PARD3B: variants seen among roughly 807,000 people sequenced by gnomAD.
The protein encoded by PARD3B is partitioning defective 3 homolog B.
In PARD3B, 103 loss-of-function variants were observed where a neutral mutation model predicts 130.2. That is an observed-to-expected ratio of 0.79 (90% CI 0.67 to 0.93). PARD3B has a LOEUF of 0.93. Ranked by LOEUF, PARD3B falls within the 40% of genes least tolerant of loss-of-function variation. The pLI, the probability that PARD3B is intolerant of heterozygous loss-of-function variation, is 0.00. For synonymous variants in PARD3B, 583 were observed against 553.2 expected (o/e 1.05, Z -0.76); for missense variants, 1,609 against 1,499.2 (o/e 1.07, Z -1.21).
intron 3 of PARD3B, among the ~76,000 whole-genome samples, chr2:205,030,142 G>A (rs1697317111): frequency 6.6e-6 from 1 of 152,096 alleles, no homozygotes. Context: ...TAAGACTCGT[G>A]AATAGGTTGC....
Position 205,274,050 on chromosome 2 carries a change from G to T in PARD3B, c.2186-26480G>T, listed in dbSNP as rs923476792. Among the ~76,000 whole-genome samples the T allele has an allele frequency of 1.3e-5, 2 of 151,974 alleles. No individual in the cohort carries two copies. The highest frequency in any genetic ancestry group is 1.3e-4 in the Admixed American group (2 of 15,248). ...ACATTTGAGGATTGGCTCCTGTTTT[G>T]TGTTATCCATATTATTAGCTCAGCT... On this transcript the variant is annotated intron_variant, in intron 16 of 22. Coordinates refer to ENST00000406610, the MANE Select transcript of PARD3B (RefSeq NM_001302769.2). This position sits in a 1 kb window ranked among gnomAD's most constrained non-coding sequence, Gnocchi z 4.2.
chr2:205,389,953 A>G (rs2045792784), intron 18 of PARD3B, among the ~76,000 whole-genome samples: 1 of 152,206 alleles, frequency 6.6e-6, no homozygotes, highest in South Asian at 2.1e-4. Flanking sequence ...AATTTCCCTT[A>G]TTCAAAATTG....
chr2:204,573,802 A>G (rs1482688242), intron 1 of PARD3B, among the ~76,000 whole-genome samples: 1 of 152,208 alleles, frequency 6.6e-6, no homozygotes, highest in African/African-American at 2.4e-5. Flanking sequence ...TCTACAGCTC[A>G]GCACTCCTGC....
At chr2:205,145,485 C>T (rs2033288546) in intron 10 of PARD3B, among the ~76,000 whole-genome samples, 1 of 152,174 alleles carries the variant, frequency 6.6e-6, no homozygotes, top group African/African-American at 2.4e-5. Flanking sequence ...TTTTGTGATA[C>T]TCTGTTTTTA....
At chr2:204,683,671 T>C (rs566789520) in intron 1 of PARD3B, among the ~76,000 whole-genome samples, 1 of 152,172 alleles carries the variant, frequency 6.6e-6, no homozygotes. Context: ...TGATTTCCTA[T>C]GGCTTGTCTG....
chr2:204,624,361 TGTTG>T (rs1339067141), intron 1 of PARD3B, among the ~76,000 whole-genome samples: 2 of 151,922 alleles, frequency 1.3e-5, no homozygotes, highest in Non-Finnish European at 2.9e-5. Flanking sequence ...TTTGTACACT[TGTTG>T]GTTGGAATGT....
Position 205,564,865 on chromosome 2 carries a change from G to C in PARD3B, c.3260+11462G>C, listed in dbSNP as rs1441320014. Among the ~76,000 whole-genome samples, 2 of 152,176 alleles carry C rather than the reference G, an allele frequency of 1.3e-5. No individual in the cohort carries two copies. Among genetic ancestry groups the C allele is most frequent in the Non-Finnish European group, 2.9e-5 (2 of 68,036 alleles). ...ACAGCAGCCTCCAGAACGTGTTCCT[G>C]CTTCTATTCCAAGTCTCTCATTAAG... On this transcript the variant is annotated intron_variant, in intron 22 of 22. Coordinates refer to ENST00000406610, the MANE Select transcript of PARD3B (RefSeq NM_001302769.2). The surrounding 1 kb of genome is among the most constrained non-coding windows in gnomAD (Gnocchi z 4.6).
At chr2:204,861,785 C>A (rs974289522) in intron 2 of PARD3B, among the ~76,000 whole-genome samples, 1 of 151,650 alleles carries the variant, frequency 6.6e-6, no homozygotes, top group Non-Finnish European at 1.5e-5. Context: ...GCAGATAAAA[C>A]GGCACAGAGA....
chr2:204,972,729 T>A (rs1323744036), intron 3 of PARD3B, among the ~76,000 whole-genome samples: 1 of 152,086 alleles, frequency 6.6e-6, no homozygotes, highest in African/African-American at 2.4e-5. Flanking sequence ...AAAAACAGAG[T>A]TCACCATCTC....
intron 22 of PARD3B, among the ~76,000 whole-genome samples, chr2:205,615,119 CCT>C (rs1473684066): frequency 2.6e-5 from 4 of 152,162 alleles, no homozygotes; most frequent in Non-Finnish European, 4.4e-5. Flanking sequence ...AGTGTATTTT[CCT>C]CTCATGCACC....
chr2:205,166,229 A>G (rs989071671), intron 11 of PARD3B, among the ~76,000 whole-genome samples: 12 of 152,218 alleles, frequency 7.9e-5, no homozygotes, highest in African/African-American at 2.9e-4. Flanking sequence ...GAGCTATGAT[A>G]GGCAAATGTG....
intron 20 of PARD3B, among the ~76,000 whole-genome samples, chr2:205,495,824 G>A (rs927499764): frequency 2.6e-5 from 4 of 152,132 alleles, no homozygotes; most frequent in Non-Finnish European, 5.9e-5. Context: ...CTATTTGCTA[G>A]GAGCTTCATA....
intron 21 of PARD3B, among the ~76,000 whole-genome samples, chr2:205,538,047 T>C (rs1407456057): frequency 6.6e-6 from 1 of 152,214 alleles, no homozygotes; most frequent in Admixed American, 6.5e-5. Flanking sequence ...TGATGCTTTA[T>C]TCTTTTAATC....
In PARD3B at chr2:205,253,550, G is replaced by A; in HGVS notation, c.2185+7728G>A. On this transcript the variant is annotated intron_variant, in intron 16 of 22. Transcript: ENST00000406610. This position sits in a 1 kb window ranked among gnomAD's most constrained non-coding sequence, Gnocchi z 4.4. ...ACTGCTGTCATGGCCCCACAGCCTGGAGCCTCCCCTGCCTCCTCTGCCTCT... is the reference window on the plus strand; with the variant it reads ...ACTGCTGTCATGGCCCCACAGCCTGAAGCCTCCCCTGCCTCCTCTGCCTCT... 1 of 509,172 alleles carries A rather than the reference G, an allele frequency of 2.0e-6. No individual in the cohort carries two copies. The highest frequency in any genetic ancestry group is 4.0e-6 in the Non-Finnish European group (1 of 250,072). The allele number at this position is 509,172 out of a possible 1,614,324, so 31.5% of individuals were successfully genotyped here.
rs1464355411 is a variant in PARD3B, at chr2:205,321,852, G to A, written c.2630+20151G>A. On this transcript the variant is annotated intron_variant, in intron 18 of 22. Coordinates refer to ENST00000406610, the MANE Select transcript of PARD3B (RefSeq NM_001302769.2). The surrounding 1 kb of genome is among the most constrained non-coding windows in gnomAD (Gnocchi z 4.2). ...TTCCAAGAGCGAGGTGTACTTCTTT[G>A]ACAATTAATGAAACTTCAGAAGTAA... Among the ~76,000 whole-genome samples the A allele has an allele frequency of 6.6e-6, 1 of 152,178 alleles. No individual in the cohort carries two copies. The highest frequency in any genetic ancestry group is 6.5e-5 in the Admixed American group (1 of 15,276).
intron 15 of PARD3B, among the ~76,000 whole-genome samples, chr2:205,201,858 G>A (rs1022266942): frequency 9.9e-5 from 15 of 151,870 alleles, no homozygotes; most frequent in Non-Finnish European, 1.8e-4. Context: ...TAAATAAAAC[G>A]TATTATAATG....
chr2:204,823,500 C>T lies in PARD3B; in HGVS notation c.222+137218C>T, dbSNP rs115092404. Among the ~76,000 whole-genome samples the T allele has an allele frequency of 6.2e-3, 943 of 152,076 alleles. 10 individuals carry two copies. Among genetic ancestry groups the T allele is most frequent in the African/African-American group, 0.022 (908 of 41,472 alleles). On this transcript the variant is annotated intron_variant, in intron 2 of 22. Coordinates refer to ENST00000406610, the MANE Select transcript of PARD3B (RefSeq NM_001302769.2). Reference sequence around the variant, plus strand: ...GTTTTTATAGGCTACTGGCTACATACATAAGTATAATTCATACAGGGTAAG... The same window carrying T: ...GTTTTTATAGGCTACTGGCTACATATATAAGTATAATTCATACAGGGTAAG...
chr2:205,182,633 A>G lies in PARD3B; in HGVS notation c.1925-3131A>G, dbSNP rs141443164. On this transcript the variant is annotated intron_variant, in intron 13 of 22. Transcript: ENST00000406610. ...AAATACATACATAGTTCATTGCAAA[A>G]GTGGCATTTGATAAATGCTATCCAA... Among the ~76,000 whole-genome samples the G allele has an allele frequency of 9.3e-3, 1,415 of 152,320 alleles. 36 individuals carry two copies. The highest frequency in any genetic ancestry group is 0.055 in the Admixed American group (840 of 15,294).
chr2:205,570,706 A>T (rs1234005345), intron 22 of PARD3B, among the ~76,000 whole-genome samples: 3 of 152,186 alleles, frequency 2.0e-5, no homozygotes, highest in African/African-American at 7.2e-5. Context: ...TGAAATACAG[A>T]ACCTGGTTAA....
Sources: allele counts gnomAD v4.1 joint callset (sites outside exome capture counted in the v4.1 genomes callset), GRCh38; gene constraint gnomAD v4.1.1; non-coding constraint Gnocchi (gnomAD v3.1); transcripts MANE v1.5; gene names NCBI Gene and HGNC (gene_info 2026-07-23, HGNC 2026-07-21).